Variants in PDE1A observed in about 807,000 individuals in gnomAD.
PDE1A encodes the protein phosphodiesterase 1A.
PDE1A carries 35 observed loss-of-function variants against 61.7 expected under a neutral mutation model. That is an observed-to-expected ratio of 0.57 (90% CI 0.43 to 0.75). The LOEUF is 0.75. Among genes scored for constraint, PDE1A ranks in the 30% least tolerant of loss-of-function variants. PDE1A has a pLI of 0.00. For missense variants in PDE1A, 597 were observed against 630.6 expected, an observed-to-expected ratio of 0.95 and a Z score of 0.57; for synonymous variants, 232 against 213.2, an observed-to-expected ratio of 1.09 and a Z score of -0.77.
chr2:182,716,699 C>G, the PDE1A span, among the ~76,000 whole-genome samples: 63 of 152,320 alleles, frequency 4.1e-4, no homozygotes, highest in African/African-American at 1.5e-3. Flanking sequence ...ACACTTTCTC[C>G]CTAAGTCCGA....
In PDE1A at chr2:182,264,268, A is replaced by C. The variant is rs890906083; in HGVS notation, c.167+33T>G. On this transcript the variant is annotated intron_variant, in intron 2 of 13. Coordinates refer to ENST00000351439, the Ensembl canonical transcript of PDE1A. ...GAGGAAGAAAAACGGGAGAGAATCA[A>C]AGAAGATAAAAGAGAAGAAGGTTAA... 38 of 1,406,996 alleles carry C rather than the reference A, an allele frequency of 2.7e-5. No individual in the cohort carries two copies. The Admixed American group carries it at 6.7e-4, about 25-fold the overall frequency. 87.2% of individuals were successfully genotyped at this position (1,406,996 alleles called of 1,614,324 possible). A position where few individuals can be genotyped will look rare whatever the true frequency, so the allele number is the denominator to read the frequency against.
chr2:182,183,284 A>C (rs1684920009), intron 13 of PDE1A, among the ~76,000 whole-genome samples: 1 of 152,288 alleles, frequency 6.6e-6, no homozygotes, highest in East Asian at 1.9e-4. Context: ...CTATTCAATG[A>C]CTCTGGAAAT....
intron 1 of PDE1A, among the ~76,000 whole-genome samples, chr2:182,405,087 A>T (rs1702228211): frequency 6.6e-6 from 1 of 152,322 alleles, no homozygotes; most frequent in East Asian, 1.9e-4. Context: ...ATCACATATG[A>T]TGGCTACCAT....
chr2:182,488,406 C>T (rs1437868919), intron 2 of PDE1A, among the ~76,000 whole-genome samples: 1 of 152,000 alleles, frequency 6.6e-6, no homozygotes, highest in African/African-American at 2.4e-5. Flanking sequence ...TACAAATAAG[C>T]TAGATAATGA....
the PDE1A span, among the ~76,000 whole-genome samples, chr2:182,564,009 A>G: frequency 6.6e-6 from 1 of 152,064 alleles, no homozygotes; most frequent in Admixed American, 6.5e-5. Flanking sequence ...TCTTTATCCA[A>G]TTTGCCAGTC....
At chr2:182,397,166 T>C (rs1701753271) in intron 1 of PDE1A, among the ~76,000 whole-genome samples, 1 of 152,176 alleles carries the variant, frequency 6.6e-6, no homozygotes, top group Admixed American at 6.5e-5. Flanking sequence ...ATACAGTATA[T>C]TTTTAGGACA....
chr2:182,222,944 C>G (rs189332180), intron 7 of PDE1A, among the ~76,000 whole-genome samples: 2 of 152,100 alleles, frequency 1.3e-5, no homozygotes, highest in African/African-American at 4.8e-5. Context: ...CTGTGCCTAA[C>G]TAAAAAGAGG....
chr2:182,205,154 G>T lies in PDE1A; in HGVS notation c.902+786C>A, dbSNP rs554517860. On this transcript the variant is annotated intron_variant, in intron 8 of 13. Transcript: ENST00000351439. ...CAATTAAATGACTTTTAATAAGATT[G>T]TTGTTAAAGATAAATACAGGCCTTT... 2.0e-5 allele frequency among the ~76,000 whole-genome samples: 3 copies of T among 152,198 alleles called. No individual in the cohort carries two copies. The South Asian group carries it at 6.2e-4, about 32-fold the overall frequency.
intron 2 of PDE1A, among the ~76,000 whole-genome samples, chr2:182,461,109 T>C (rs963212379): frequency 6.6e-6 from 1 of 152,184 alleles, no homozygotes; most frequent in Non-Finnish European, 1.5e-5. Context: ...TATTTGGCCA[T>C]GGAATCTTTT....
intron 2 of PDE1A, among the ~76,000 whole-genome samples, chr2:182,454,339 C>G (rs994187558): frequency 1.3e-5 from 2 of 152,164 alleles, no homozygotes; most frequent in African/African-American, 4.8e-5. Context: ...AATGGCCACA[C>G]TGCCCAAGGT....
the PDE1A span, among the ~76,000 whole-genome samples, chr2:182,593,564 G>T: frequency 6.6e-6 from 1 of 152,210 alleles, no homozygotes; most frequent in South Asian, 2.1e-4. Context: ...AGACCCGTGG[G>T]AGGGAATTTG....
At chr2:182,296,475 G>C (rs112957872) in intron 1 of PDE1A, among the ~76,000 whole-genome samples, 3 of 152,286 alleles carry the variant, frequency 2.0e-5, no homozygotes, top group African/African-American at 7.2e-5. Context: ...TAGATATACA[G>C]ATATAGACAC....
chr2:182,256,852 C>T (rs562219983), intron 2 of PDE1A, among the ~76,000 whole-genome samples: 1 of 152,308 alleles, frequency 6.6e-6, no homozygotes, highest in African/African-American at 2.4e-5. Context: ...ATGTCCAAAT[C>T]AGTAGATTGG....
exon 13 of PDE1A, chr2:182,185,979 C>T (rs1327709031): frequency 1.2e-6 from 2 of 1,613,944 alleles, no homozygotes; most frequent in Non-Finnish European, 1.7e-6. Context: ...TCCACTGCTG[C>T]AAGGGAGTAG....
At chr2:182,517,036 A>C (rs1690245356) in intron 2 of PDE1A, among the ~76,000 whole-genome samples, 1 of 152,138 alleles carries the variant, frequency 6.6e-6, no homozygotes, top group Admixed American at 6.5e-5. Context: ...ACATTTCTGG[A>C]GGGTGATAAG....
chr2:182,372,685 G>A (rs893606998), intron 1 of PDE1A, among the ~76,000 whole-genome samples: 2 of 152,172 alleles, frequency 1.3e-5, no homozygotes, highest in Non-Finnish European at 2.9e-5. Flanking sequence ...CACAATCTCA[G>A]GTCCAAATTC....
chr2:182,338,431 C>CATAAA (rs990590257), intron 1 of PDE1A, among the ~76,000 whole-genome samples: 1 of 152,158 alleles, frequency 6.6e-6, no homozygotes, highest in African/African-American at 2.4e-5. Flanking sequence ...TTTTAACTTG[C>CATAAA]ATAAGTACCT....
chr2:182,641,780 G>A, the PDE1A span, among the ~76,000 whole-genome samples: 1 of 152,102 alleles, frequency 6.6e-6, no homozygotes, highest in Admixed American at 6.6e-5. Flanking sequence ...ACTATTCTTA[G>A]GCAGGATAAT....
At position 182,386,530 on chromosome 2, in the gene PDE1A, G is replaced by A. The variant is rs370364722; in HGVS notation, c.53+40048C>T. On this transcript the variant is annotated intron_variant, in intron 1 of 13. Coordinates refer to ENST00000351439, the Ensembl canonical transcript of PDE1A. Reference sequence around the variant, plus strand: ...TGGGAGGTGAGGAACGTCTCTGCCCGGCCGCTCCGTCCAAGAAGTGAGGAG... The same window carrying A: ...TGGGAGGTGAGGAACGTCTCTGCCCAGCCGCTCCGTCCAAGAAGTGAGGAG... Among the ~76,000 whole-genome samples the A allele has an allele frequency of 8.6e-4, 128 of 149,488 alleles. 1 individual carries two copies. Among genetic ancestry groups the A allele is most frequent in the Middle Eastern group, 7.2e-3 (2 of 276 alleles).
Sources: allele counts gnomAD v4.1 joint callset (sites outside exome capture counted in the v4.1 genomes callset), GRCh38; gene constraint gnomAD v4.1.1; transcripts MANE v1.5; gene names NCBI Gene and HGNC (gene_info 2026-07-23, HGNC 2026-07-21).